The following ASPSCR1 variants were observed in gnomAD, a reference collection of about 807,000 sequenced individuals.
ASPSCR1 encodes the protein ASPSCR1 tether for SLC2A4, UBX domain containing, also known as tether containing UBX domain for GLUT4.
A neutral mutation model predicts 68.9 loss-of-function variants in ASPSCR1; 55 were observed. The ratio of observed to expected loss-of-function variants is 0.80; its 90% CI spans 0.64 to 1.00. The LOEUF (loss-of-function observed/expected upper bound fraction) is 1.00. Ranked by LOEUF, ASPSCR1 falls within the 50% of genes least tolerant of loss-of-function variation. The pLI is 0.00. For missense variants in ASPSCR1, 765 were observed against 762.2 expected, an observed-to-expected ratio of 1.00 and a Z score of -0.04; for synonymous variants, 352 against 332.6, an observed-to-expected ratio of 1.06 and a Z score of -0.63.
At chr17:82,003,191 A>G (rs1484801323) in intron 7 of ASPSCR1, among the ~76,000 whole-genome samples, 1 of 152,246 alleles carries the variant, frequency 6.6e-6, no homozygotes, top group Non-Finnish European at 1.5e-5. Flanking sequence ...CGCACCTATA[A>G]TCACAGCACT....
In ASPSCR1 at chr17:81,977,923, C is replaced by T. The variant is rs1208684576; in HGVS notation, c.102+175C>T. The T allele has an allele frequency of 2.8e-6, 1 of 351,368 alleles. No individual in the cohort carries two copies. Among genetic ancestry groups the T allele is most frequent in the Non-Finnish European group, 4.8e-6 (1 of 206,962 alleles). 21.8% of individuals were successfully genotyped at this position (351,368 alleles called of 1,614,324 possible). A position where few individuals can be genotyped will look rare whatever the true frequency, so the allele number is the denominator to read the frequency against. Reference sequence around the variant, plus strand: ...CCGTCACCTGCGCTTCCGCTGGGGTCCCGGGGGTCCCGGGGGTCCCGAGTG... The same window carrying T: ...CCGTCACCTGCGCTTCCGCTGGGGTTCCGGGGGTCCCGGGGGTCCCGAGTG... On this transcript the variant is annotated intron_variant, in intron 1 of 15. Transcript: ENST00000306739. The surrounding 1 kb of genome is among the most constrained non-coding windows in gnomAD (Gnocchi z 5.0).
chr17:81,978,800 A>G, intron 1 of ASPSCR1: 1 of 278,080 alleles, frequency 3.6e-6, no homozygotes, highest in African/African-American at 2.2e-5. Context: ...AGGCAGTGGC[A>G]GCAGGTGCAC....
At chr17:82,011,092 G>T (rs932036855) in intron 10 of ASPSCR1, among the ~76,000 whole-genome samples, 89 of 152,328 alleles carry the variant, frequency 5.8e-4, no homozygotes, top group African/African-American at 2.0e-3. Flanking sequence ...CCAGCTCAGG[G>T]AGCCCGTGGT....
At chr17:81,997,959 T>C (rs1420836792) in intron 7 of ASPSCR1, among the ~76,000 whole-genome samples, 1 of 151,974 alleles carries the variant, frequency 6.6e-6, no homozygotes, top group Non-Finnish European at 1.5e-5. Flanking sequence ...CCCAAGTAGC[T>C]GGGACTACAG....
intron 4 of ASPSCR1, among the ~76,000 whole-genome samples, chr17:81,989,895 C>A (rs1404851736): frequency 6.6e-6 from 1 of 152,256 alleles, no homozygotes; most frequent in Non-Finnish European, 1.5e-5. Flanking sequence ...TCAAGCAATT[C>A]TCCTGCCTCA....
chr17:82,003,658 G>A (rs2042610451), intron 7 of ASPSCR1, among the ~76,000 whole-genome samples: 2 of 152,268 alleles, frequency 1.3e-5, no homozygotes, highest in Admixed American at 6.5e-5. Flanking sequence ...TGCTTTGGAT[G>A]TAAAATTTGG....
chr17:82,005,462 C>T (rs374900977), intron 7 of ASPSCR1: 1 of 152,158 alleles, frequency 6.6e-6, no homozygotes, highest in Admixed American at 6.5e-5. Flanking sequence ...GAAGGCTCCT[C>T]CTGGCTCTCA....
rs760243033 is a variant in ASPSCR1 at position 82,012,310 on chromosome 17, G to A, written c.1353+27G>A. On this transcript the variant is annotated intron_variant, in intron 12 of 15. Coordinates refer to ENST00000306739, the MANE Select transcript of ASPSCR1 (RefSeq NM_024083.4). The stretch of plus-strand genomic sequence containing the variant: ...TACCTGAGGGCCTCCCTGGGGTGCT[G>A]CGGGGCGGGGCCCTCCAGGGAGGGC... The A allele has an allele frequency of 5.0e-6, 8 of 1,608,792 alleles. No individual in the cohort carries two copies. The South Asian group carries it at 6.6e-5, about 13-fold the overall frequency.
At chr17:82,000,114 C>A (rs1405477516) in intron 7 of ASPSCR1, among the ~76,000 whole-genome samples, 2 of 152,248 alleles carry the variant, frequency 1.3e-5, no homozygotes, top group East Asian at 3.8e-4. Flanking sequence ...AGGGGCTGAC[C>A]CCCTCTAGGC....
At chr17:82,014,266 C>G (rs1441322132) in intron 12 of ASPSCR1, 1 of 152,500 alleles carries the variant, frequency 6.6e-6, no homozygotes, top group African/African-American at 2.4e-5. Context: ...GTGTCGCCCA[C>G]TGCCGGGGCC....
intron 7 of ASPSCR1, among the ~76,000 whole-genome samples, chr17:82,002,232 ATTTTCATC>A (rs2042562357): frequency 6.8e-6 from 1 of 148,038 alleles, no homozygotes; most frequent in South Asian, 2.1e-4. Context: ...CATGCTTTAT[ATTTTCATC>A]TTTTCATTTT....
Position 81,986,578 on chromosome 17 carries a change from G to A in ASPSCR1, c.374+971G>A, listed in dbSNP as rs971684317. Among the ~76,000 whole-genome samples the A allele has an allele frequency of 6.6e-5, 10 of 152,348 alleles. No homozygotes were observed. The South Asian group carries it at 2.1e-3, about 32-fold the overall frequency. On this transcript the variant is annotated intron_variant, in intron 4 of 15. Coordinates refer to ENST00000306739, the MANE Select transcript of ASPSCR1 (RefSeq NM_024083.4). The surrounding 1 kb of genome is among the most constrained non-coding windows in gnomAD (Gnocchi z 5.2). ...CTGGAAGTCTCTGTCCACAGTAAAAGGCTCAGCAGAATGGAAGGGACTTGG... is the reference window on the plus strand; with the variant it reads ...CTGGAAGTCTCTGTCCACAGTAAAAAGCTCAGCAGAATGGAAGGGACTTGG...
intron 4 of ASPSCR1, among the ~76,000 whole-genome samples, chr17:81,989,357 T>C (rs532260890): frequency 6.6e-6 from 1 of 152,284 alleles, no homozygotes; most frequent in South Asian, 2.1e-4. Context: ...CCTGGTGGGC[T>C]CTCTGCTGGG....
chr17:82,009,846 C>A (rs372090904), intron 9 of ASPSCR1: 5 of 359,286 alleles, frequency 1.4e-5, no homozygotes, highest in African/African-American at 6.6e-5. Flanking sequence ...TGAGCAGGGC[C>A]CCCCCGTGGT....
At chr17:82,010,087 G>GTTTT (rs372050513) in intron 9 of ASPSCR1, 797 of 265,664 alleles carry the variant, frequency 3.0e-3, no homozygotes, top group South Asian at 5.4e-3. Flanking sequence ...AATTTTTGTT[G>GTTTT]TTTTTTTTTT....
At chr17:81,995,669 G>T in intron 5 of ASPSCR1, 1 of 528,874 alleles carries the variant, frequency 1.9e-6, no homozygotes, top group South Asian at 2.1e-5. Context: ...GCTCCGGGCA[G>T]TGGGTCCTGG....
intron 14 of ASPSCR1, 21 bp from the exon 15 acceptor site, chr17:82,016,917 CTCT>C (rs1332109497): frequency 6.2e-7 from 1 of 1,611,580 alleles, no homozygotes; most frequent in African/African-American, 1.3e-5. Context: ...GCACTCACCA[CTCT>C]GTGTCTTCGC....
chr17:81,984,604 C>T (rs1251874986), intron 3 of ASPSCR1, among the ~76,000 whole-genome samples: 1 of 151,502 alleles, frequency 6.6e-6, no homozygotes. Flanking sequence ...GAGCAGCAAA[C>T]ATTTACCATC....
rs142203224 is a variant in ASPSCR1, at chr17:82,015,000, C to T, written c.1354-1476C>T. 4.3e-3 allele frequency: 6,201 copies of T among 1,458,606 alleles called. 23 individuals carry two copies. Among genetic ancestry groups the T allele is most frequent in the Non-Finnish European group, 5.2e-3 (5,730 of 1,095,682 alleles). The allele number at this position is 1,458,606 out of a possible 1,614,324, so 90.4% of individuals were successfully genotyped here. A position where few individuals can be genotyped will look rare whatever the true frequency, so the allele number is the denominator to read the frequency against. The stretch of plus-strand genomic sequence containing the variant: ...TGCTGGTGGGGAGAGGCCCCTCAGC[C>T]TGTGCCTCCCTCAAAGGCCCTTCCC... On this transcript the variant is annotated intron_variant, in intron 12 of 15. Coordinates refer to ENST00000306739, the MANE Select transcript of ASPSCR1 (RefSeq NM_024083.4).
Sources: gnomAD v4.1 joint callset for allele counts (sites outside exome capture counted in the v4.1 genomes callset) on GRCh38, gnomAD v4.1.1 for gene constraint, Gnocchi (gnomAD v3.1) non-coding constraint, MANE v1.5 for transcripts, NCBI Gene and HGNC (gene_info 2026-07-23, HGNC 2026-07-21) for gene names.